Variants in HIBCH observed in about 807,000 individuals in gnomAD.
HIBCH encodes the protein 3-hydroxyisobutyryl-CoA hydrolase.
A neutral mutation model predicts 58.2 loss-of-function variants in HIBCH; 50 were observed. That is an observed-to-expected ratio of 0.86 (90% CI 0.68 to 1.09). HIBCH has a LOEUF of 1.09. HIBCH is among the 50% of genes least tolerant of loss of function. The probability of loss-of-function intolerance (pLI) is 0.00; values close to 1 mark genes in which losing one functional copy is unlikely to be tolerated. For missense variants in HIBCH, 450 were observed against 449.7 expected, an observed-to-expected ratio of 1.00 and a Z score of -0.01; for synonymous variants, 151 against 146.9, an observed-to-expected ratio of 1.03 and a Z score of -0.20.
chr2:190,216,418 A>C lies in HIBCH; in HGVS notation c.892-3343T>G, dbSNP rs1238829927. ...TGTTTTACTGAGAGGCTGTAAGTCC[A>C]CCACGGGCAGCTGTCAGTAAGGCTG... is the stretch of plus-strand genomic sequence containing the variant. On this transcript the variant is annotated intron_variant, in intron 11 of 13. Coordinates refer to ENST00000359678, the MANE Select transcript of HIBCH (RefSeq NM_014362.4). The surrounding 1 kb of genome is among the most constrained non-coding windows in gnomAD (Gnocchi z 4.2). Among the ~76,000 whole-genome samples the C allele has an allele frequency of 1.3e-5, 2 of 152,214 alleles. No homozygotes were observed. The highest frequency in any genetic ancestry group is 3.8e-4 in the East Asian group (2 of 5,204).
chr2:190,294,022 G>GTGTGTATATATATATA (rs755751586), intron 4 of HIBCH, among the ~76,000 whole-genome samples: 7 of 83,016 alleles, frequency 8.4e-5, no homozygotes, highest in East Asian at 5.3e-4. Context: ...TATTTTGTGT[G>GTGTGTATATATATATA]TATATATATA....
At chr2:190,274,784 T>A (rs1687502292) in intron 6 of HIBCH, among the ~76,000 whole-genome samples, 1 of 152,198 alleles carries the variant, frequency 6.6e-6, no homozygotes, top group South Asian at 2.1e-4. Flanking sequence ...ACAAAAAGCA[T>A]GGTAAATAAG....
rs1687080345 is a variant in HIBCH at position 190,261,214 on chromosome 2, A to G, written c.459T>C (p.His153=). 2 of 1,610,850 alleles carry G rather than the reference A, an allele frequency of 1.2e-6. No homozygotes were observed. Among genetic ancestry groups the G allele is most frequent in the Non-Finnish European group, 8.5e-7 (1 of 1,178,242 alleles). ...TTTCTGTAGCCACTCGAAATTGCCCATGGACTGAGAGACCAACTCCCTAGA... is the reference window on the plus strand; with the variant it reads ...TTTCTGTAGCCACTCGAAATTGCCCGTGGACTGAGAGACCAACTCCCTAGA... The part of the protein sequence containing the change: ...TMGGGVGLSV[H]GQFRVATEKC... The change falls in exon 7 of 14, where the codon CAT becomes CAC. Residue 153 remains histidine (H), a synonymous_variant. Transcript: ENST00000359678.
chr2:190,288,228 T>C (rs905675306), intron 5 of HIBCH, among the ~76,000 whole-genome samples: 1 of 150,558 alleles, frequency 6.6e-6, no homozygotes, highest in African/African-American at 2.4e-5. Context: ...ATATCAAAGA[T>C]GTCAATTCCC....
chr2:190,279,842 T>TA lies in HIBCH; in HGVS notation c.438+7743_438+7744insT, dbSNP rs1687656196. On this transcript the variant is annotated intron_variant, in intron 6 of 13. Transcript: ENST00000359678. The surrounding 1 kb of genome is among the most constrained non-coding windows in gnomAD (Gnocchi z 4.2). ...ACAAGTTACTTCCTCCTTCCTTTGT[T>TA]CTCCTCTGCCTTTGCCTCTTTTAGA... 1 of 204,672 alleles carries TA rather than the reference T, an allele frequency of 4.9e-6. No individual in the cohort carries two copies. Among genetic ancestry groups the TA allele is most frequent in the South Asian group, 8.7e-5 (1 of 11,512 alleles). The allele number at this position is 204,672 out of a possible 1,614,324, so 12.7% of individuals were successfully genotyped here. A position where few individuals can be genotyped will look rare whatever the true frequency, so the allele number is the denominator to read the frequency against.
At chr2:190,301,003 C>T (rs191315832) in intron 2 of HIBCH, among the ~76,000 whole-genome samples, 2 of 152,256 alleles carry the variant, frequency 1.3e-5, no homozygotes, top group African/African-American at 2.4e-5. Context: ...GAAATCTACA[C>T]GAATGTTGGA....
At chr2:190,299,058 T>C (rs2582746) in intron 2 of HIBCH, among the ~76,000 whole-genome samples, 80,466 of 152,074 alleles carry the variant, frequency 0.53, 22,191 homozygotes, top group South Asian at 0.61. Flanking sequence ...CCACCATTCT[T>C]AACACATTCC....
At chr2:190,246,926 T>C (rs189449120) in intron 9 of HIBCH, among the ~76,000 whole-genome samples, 2 of 152,248 alleles carry the variant, frequency 1.3e-5, no homozygotes, top group South Asian at 2.1e-4. Context: ...CTTTTCTTAA[T>C]TGGACTAACT....
intron 6 of HIBCH, among the ~76,000 whole-genome samples, chr2:190,286,253 C>T (rs1687824433): frequency 1.3e-5 from 2 of 152,134 alleles, no homozygotes; most frequent in African/African-American, 4.8e-5. Context: ...ACCTAAGTTC[C>T]CCCATTTATT....
chr2:190,190,862 C>T (rs1284323012), intron 1 of HIBCH, among the ~76,000 whole-genome samples: 2 of 152,162 alleles, frequency 1.3e-5, no homozygotes, highest in African/African-American at 4.8e-5. Flanking sequence ...GTTACAGCCA[C>T]CACCACAATC....
At chr2:190,198,247 A>G (rs1002760308) in intron 1 of HIBCH, among the ~76,000 whole-genome samples, 6 of 152,152 alleles carry the variant, frequency 3.9e-5, no homozygotes, top group Non-Finnish European at 8.8e-5. Flanking sequence ...TTATAGAATA[A>G]TATATGGTGG....
At chr2:190,190,315 A>T (rs1266017868) in intron 1 of HIBCH, among the ~76,000 whole-genome samples, 1 of 152,180 alleles carries the variant, frequency 6.6e-6, no homozygotes, top group Non-Finnish European at 1.5e-5. Context: ...TATAAATATG[A>T]TCCATCTTTT....
At chr2:190,224,762 ACT>A (rs1365717044) in intron 11 of HIBCH, among the ~76,000 whole-genome samples, 1 of 152,212 alleles carries the variant, frequency 6.6e-6, no homozygotes, top group African/African-American at 2.4e-5. Context: ...AAGGACTTGA[ACT>A]CAGCTCTGCA....
rs1397291397 is a variant in HIBCH at position 190,215,255 on chromosome 2, T to C, written c.892-2180A>G. On this transcript the variant is annotated intron_variant, in intron 11 of 13. Transcript: ENST00000359678. The surrounding 1 kb of genome is among the most constrained non-coding windows in gnomAD (Gnocchi z 4.4). The stretch of plus-strand genomic sequence containing the variant: ...AATTATAAGGGCAGCCATAACCATT[T>C]GGGAAAGACAGCGTCCTCCCAGGCA... 6.6e-6 allele frequency: 1 copy of C among 152,220 alleles called. No individual in the cohort carries two copies. The highest frequency in any genetic ancestry group is 1.5e-5 in the Non-Finnish European group (1 of 68,038). 9.4% of individuals were successfully genotyped at this position (152,220 alleles called of 1,614,324 possible).
intron 6 of HIBCH, among the ~76,000 whole-genome samples, chr2:190,271,215 C>T (rs1182908049): frequency 6.6e-6 from 1 of 151,626 alleles, no homozygotes; most frequent in Non-Finnish European, 1.5e-5. Context: ...TCATCAAAAC[C>T]CATCAAGTCT....
chr2:190,286,345 T>G (rs1687826535), intron 6 of HIBCH, among the ~76,000 whole-genome samples: 1 of 152,224 alleles, frequency 6.6e-6, no homozygotes, highest in Non-Finnish European at 1.5e-5. Context: ...CAAAAACAGT[T>G]TTTCCTGGAT....
intron 1 of HIBCH, among the ~76,000 whole-genome samples, chr2:190,193,805 T>C (rs1335187712): frequency 6.6e-6 from 1 of 152,156 alleles, no homozygotes; most frequent in African/African-American, 2.4e-5. Flanking sequence ...CACTGATTTC[T>C]GTTCTTACCT....
intron 6 of HIBCH, among the ~76,000 whole-genome samples, chr2:190,275,088 G>C (rs778679268): frequency 2.0e-5 from 3 of 152,162 alleles, no homozygotes; most frequent in Middle Eastern, 3.2e-3. Flanking sequence ...AGCATCTTAA[G>C]AGCATTTTGA....
intron 11 of HIBCH, among the ~76,000 whole-genome samples, chr2:190,238,070 A>C (rs2099127): frequency 0.2 from 31,046 of 152,108 alleles, 3,411 homozygotes; most frequent in East Asian, 0.32. Flanking sequence ...CCAGTCTCTC[A>C]TTGTCAGGCA....
Sources: allele counts gnomAD v4.1 joint callset (sites outside exome capture counted in the v4.1 genomes callset), GRCh38; gene constraint gnomAD v4.1.1; non-coding constraint Gnocchi (gnomAD v3.1); transcripts MANE v1.5; gene names NCBI Gene and HGNC (gene_info 2026-07-23, HGNC 2026-07-21).